Variants in ASTN2 observed in about 807,000 individuals in gnomAD.
ASTN2 encodes the protein astrotactin 2, also known as astrotactin-2.
ASTN2 carries 54 observed loss-of-function variants against 139.8 expected under a neutral mutation model. The observed-to-expected ratio is 0.39, with a 90% CI of 0.31 to 0.48. The LOEUF (loss-of-function observed/expected upper bound fraction) is 0.48. Among genes scored for constraint, ASTN2 ranks in the 20% least tolerant of loss-of-function variants. The pLI is 0.95. For missense variants in ASTN2, 1,565 were observed against 1,725.1 expected, an observed-to-expected ratio of 0.91 and a Z score of 1.64; for synonymous variants, 756 against 719.5, an observed-to-expected ratio of 1.05 and a Z score of -0.81.
chr9:116,651,199 G>A lies in ASTN2; in HGVS notation c.3072+329C>T, dbSNP rs561498684. Reference sequence around the variant, plus strand: ...CCCAAAGTGTTGAGATTACAGGCATGAGCCACCATGCCCAGCCTGCACTAC... The same window carrying A: ...CCCAAAGTGTTGAGATTACAGGCATAAGCCACCATGCCCAGCCTGCACTAC... On this transcript the variant is annotated intron_variant, in intron 17 of 22. Coordinates refer to ENST00000313400, the MANE Select transcript of ASTN2 (RefSeq NM_001365068.1). 1.1e-3 allele frequency among the ~76,000 whole-genome samples: 171 copies of A among 152,122 alleles called. 1 individual carries two copies. The highest frequency in any genetic ancestry group is 4.0e-3 in the African/African-American group (165 of 41,504).
At position 116,557,241 on chromosome 9, in the gene ASTN2, A is replaced by G. The variant is rs796952632; in HGVS notation, c.3355+61083T>C. ...TCTGTCTCAAAAAAAAAAAAAAAAA[A>G]AAAAAAAAGAAAAGAAAAAATTCAG... On this transcript the variant is annotated intron_variant, in intron 19 of 22. Coordinates refer to ENST00000313400, the MANE Select transcript of ASTN2 (RefSeq NM_001365068.1). Among the ~76,000 whole-genome samples the G allele has an allele frequency of 2.4e-4, 36 of 151,082 alleles. 3 individuals carry two copies. Among genetic ancestry groups the G allele is most frequent in the African/African-American group, 5.6e-4 (23 of 41,310 alleles).
chr9:116,830,320 A>G (rs1487591055), intron 11 of ASTN2, among the ~76,000 whole-genome samples: 1 of 152,218 alleles, frequency 6.6e-6, no homozygotes, highest in Non-Finnish European at 1.5e-5. Flanking sequence ...ACTATTAAAA[A>G]GTCAAAAAAC....
chr9:116,933,999 T>TTTTC (rs1253977770), intron 10 of ASTN2, among the ~76,000 whole-genome samples: 1 of 113,396 alleles, frequency 8.8e-6, no homozygotes, highest in Non-Finnish European at 1.9e-5. Context: ...TTTTTTTTTT[T>TTTTC]TTTCTGGATC....
intron 2 of ASTN2, among the ~76,000 whole-genome samples, chr9:117,266,814 T>C (rs1280592036): frequency 1.3e-5 from 2 of 152,230 alleles, no homozygotes; most frequent in Admixed American, 6.5e-5. Context: ...ACAAGATATT[T>C]GTAGAGCCTC....
chr9:117,207,463 C>T (rs1172415871), intron 3 of ASTN2, among the ~76,000 whole-genome samples: 1 of 152,180 alleles, frequency 6.6e-6, no homozygotes, highest in Non-Finnish European at 1.5e-5. Context: ...TCAGGCCAGC[C>T]AAGCAGCCAT....
intron 1 of ASTN2, among the ~76,000 whole-genome samples, chr9:117,325,508 C>T (rs1030251719): frequency 6.6e-6 from 1 of 152,124 alleles, no homozygotes; most frequent in Admixed American, 6.6e-5. Flanking sequence ...ACCCCCCTCT[C>T]CTCCCTGAAT....
At chr9:117,379,251 G>A (rs763937190) in intron 1 of ASTN2, among the ~76,000 whole-genome samples, 1 of 152,246 alleles carries the variant, frequency 6.6e-6, no homozygotes, top group South Asian at 2.1e-4. Context: ...TCCCCACCAC[G>A]ACAGTCTAGA....
In ASTN2 at chr9:117,095,236, C is replaced by T. The variant is rs531143845; in HGVS notation, c.1276+808G>A. Among the ~76,000 whole-genome samples, 3 of 152,334 alleles carry T rather than the reference C, an allele frequency of 2.0e-5. No individual in the cohort carries two copies. In the East Asian group the frequency reaches 5.8e-4, roughly 29 times the overall value. ...TCTCTTCCAAGAATCCAGTCTCAAA[C>T]TGGCTGCTTTCCCATCCTTATAGAC... is the stretch of plus-strand genomic sequence containing the variant. On this transcript the variant is annotated intron_variant, in intron 5 of 22. Coordinates refer to ENST00000313400, the MANE Select transcript of ASTN2 (RefSeq NM_001365068.1).
intron 19 of ASTN2, chr9:116,585,366 T>C (rs939894345): frequency 9.9e-5 from 15 of 152,212 alleles, no homozygotes; most frequent in Admixed American, 3.3e-4. Flanking sequence ...TACAGATGTG[T>C]GCAGTATGTA....
chr9:117,356,844 C>T (rs181644141), intron 1 of ASTN2, among the ~76,000 whole-genome samples: 94 of 152,224 alleles, frequency 6.2e-4, no homozygotes, highest in Non-Finnish European at 1.0e-3. Context: ...GGGTGAATCA[C>T]TTGAGGTCAG....
At chr9:117,000,996 G>T (rs770525682) in intron 7 of ASTN2, among the ~76,000 whole-genome samples, 9 of 152,254 alleles carry the variant, frequency 5.9e-5, no homozygotes, top group South Asian at 4.2e-4. Flanking sequence ...CCTGTGGGTG[G>T]CACTAATTGT....
intron 22 of ASTN2, chr9:116,437,154 A>T (rs1169729495): frequency 2.8e-6 from 1 of 354,744 alleles, no homozygotes; most frequent in Non-Finnish European, 5.5e-6. Context: ...ACATGTAACT[A>T]ACCTGCACAT....
chr9:116,594,474 G>A (rs1854489206), intron 19 of ASTN2, among the ~76,000 whole-genome samples: 1 of 152,166 alleles, frequency 6.6e-6, no homozygotes, highest in Non-Finnish European at 1.5e-5. Flanking sequence ...TCTACATGTG[G>A]AGAAGAACCT....
At chr9:116,721,648 A>T (rs1828475708) in intron 16 of ASTN2, among the ~76,000 whole-genome samples, 1 of 152,168 alleles carries the variant, frequency 6.6e-6, no homozygotes, top group East Asian at 1.9e-4. Flanking sequence ...GCTTCCAGGG[A>T]TGACTTTGGC....
At chr9:116,763,304 C>T (rs1043030875) in intron 13 of ASTN2, among the ~76,000 whole-genome samples, 2 of 152,176 alleles carry the variant, frequency 1.3e-5, no homozygotes, top group Admixed American at 1.3e-4. Flanking sequence ...CAGTTTCCCC[C>T]AGCATTTATG....
intron 19 of ASTN2, among the ~76,000 whole-genome samples, chr9:116,600,490 T>C (rs1182351576): frequency 1.3e-5 from 2 of 152,148 alleles, no homozygotes; most frequent in African/African-American, 4.8e-5. Context: ...AAGATGTAAA[T>C]TCAATTCTTG....
At chr9:117,361,599 G>A (rs1046397230) in intron 1 of ASTN2, among the ~76,000 whole-genome samples, 1 of 152,200 alleles carries the variant, frequency 6.6e-6, no homozygotes. Flanking sequence ...TCTGCAGAAA[G>A]CTGGCAGGAA....
At chr9:117,009,900 G>C (rs968340794) in intron 6 of ASTN2, among the ~76,000 whole-genome samples, 2 of 152,126 alleles carry the variant, frequency 1.3e-5, no homozygotes, top group Non-Finnish European at 2.9e-5. Flanking sequence ...GACCACACCT[G>C]GCTGTCTGAG....
chr9:117,300,672 A>G (rs1208962378), intron 1 of ASTN2, among the ~76,000 whole-genome samples: 1 of 152,192 alleles, frequency 6.6e-6, no homozygotes, highest in Non-Finnish European at 1.5e-5. Flanking sequence ...ATGTCAGGCC[A>G]GGTTAAATGC....
Sources: gnomAD v4.1 joint callset for allele counts (sites outside exome capture counted in the v4.1 genomes callset) on GRCh38, gnomAD v4.1.1 for gene constraint, MANE v1.5 for transcripts, NCBI Gene and HGNC (gene_info 2026-07-23, HGNC 2026-07-21) for gene names.